The following COX15 variants were observed in gnomAD, a reference collection of about 807,000 sequenced individuals.
COX15 encodes cytochrome c oxidase assembly factor COX15, also known as heme A synthase COX15.
COX15 carries 51 observed loss-of-function variants against 51.9 expected under a neutral mutation model. The ratio of observed to expected loss-of-function variants is 0.98; its 90% CI spans 0.78 to 1.24. The LOEUF (loss-of-function observed/expected upper bound fraction) is 1.24. COX15 is among the 50% of genes most tolerant of loss of function. The pLI, the probability that COX15 is intolerant of heterozygous loss-of-function variation, is 0.00. For synonymous variants in COX15, 188 were observed against 190.5 expected, an observed-to-expected ratio of 0.99 and a Z score of 0.11; for missense variants, 420 against 501.1, an observed-to-expected ratio of 0.84 and a Z score of 1.55.
At chr10:99,699,231 T>A in the COX15 span, among the ~76,000 whole-genome samples, 1 of 152,228 alleles carries the variant, frequency 6.6e-6, no homozygotes, top group Non-Finnish European at 1.5e-5. Context: ...TCTGTTGTAA[T>A]GTGCTTTTGG....
intron 7 of COX15, among the ~76,000 whole-genome samples, chr10:99,717,532 T>A (rs2036615976): frequency 6.6e-6 from 1 of 152,116 alleles, no homozygotes; most frequent in African/African-American, 2.4e-5. Flanking sequence ...AAATTAAATT[T>A]AATTTTTTAA....
downstream of COX15, chr10:99,710,770 A>C (rs1389896706): frequency 1.0e-6 from 1 of 984,162 alleles, no homozygotes; most frequent in Admixed American, 6.2e-5. Context: ...TGATCTCTGC[A>C]ACCAACATTG....
chr10:99,703,144 A>G, the COX15 span, among the ~76,000 whole-genome samples: 1 of 152,222 alleles, frequency 6.6e-6, no homozygotes, highest in African/African-American at 2.4e-5. Flanking sequence ...CAGAATTAGA[A>G]TAAAGGACGT....
chr10:99,718,596 A>G, intron 6 of COX15, 96 bp from the exon 7 acceptor site: 1 of 1,262,894 alleles, frequency 7.9e-7, no homozygotes, highest in South Asian at 1.2e-5. Context: ...CCAGAGTTAA[A>G]CTAAGGGAAC....
rs902155191 is a variant in COX15, at chr10:99,712,679, G to A, written c.*1908C>T. On this transcript the variant is annotated 3_prime_UTR_variant, in exon 9 of 9. Transcript: ENST00000016171. ...AAGATCTAACAACCCTGGACCTGTA[G>A]AGTGGCAGCAACAGACCAGAACTCA... 3.6e-5 allele frequency: 33 copies of A among 919,212 alleles called. No individual in the cohort carries two copies. In the African/African-American group the frequency reaches 5.5e-4, roughly 15 times the overall value. The allele number at this position is 919,212 out of a possible 1,614,324, so 56.9% of individuals were successfully genotyped here.
the COX15 span, chr10:99,704,730 C>A: frequency 6.6e-7 from 1 of 1,519,130 alleles, no homozygotes; most frequent in South Asian, 1.2e-5. Flanking sequence ...AGTTGCTGCT[C>A]ATTGAATTCC....
Position 99,727,169 on chromosome 10 carries a change from A to G in COX15, c.396-15T>C, listed in dbSNP as rs747563348. The G allele has an allele frequency of 1.9e-6, 3 of 1,613,340 alleles. No homozygotes were observed. The highest frequency in any genetic ancestry group is 1.3e-5 in the African/African-American group (1 of 74,918). On this transcript the variant is annotated splice_polypyrimidine_tract_variant and intron_variant, in intron 3 of 8. Transcript: ENST00000016171. ...CATGATTCAAGCTGGGTGAAATGGA[A>G]AGTCAAAAAAGGAGGAGGAGGAAAC...
At chr10:99,694,299 T>C in the COX15 span, among the ~76,000 whole-genome samples, 15 of 152,220 alleles carry the variant, frequency 9.9e-5, no homozygotes, top group African/African-American at 3.6e-4. Flanking sequence ...TATGTGGTGT[T>C]TTATGTCTGG....
In COX15 at chr10:99,721,055, T is replaced by A. The variant is rs761014065; in HGVS notation, c.764A>T (p.His255Leu). 1.2e-6 allele frequency: 2 copies of A among 1,613,248 alleles called. 1 individual carries two copies. Among genetic ancestry groups the A allele is most frequent in the South Asian group, 2.2e-5 (2 of 90,820 alleles). ...LLPPHKLPET[H>L]QLLQLRRFAH... is the part of the protein sequence containing the mutation. ...AAATCGTCTCAACTGTAGGAGTTGGTGGGTTTCAGGCAACTAAATATGAAA... is the reference window on the plus strand; with the variant it reads ...AAATCGTCTCAACTGTAGGAGTTGGAGGGTTTCAGGCAACTAAATATGAAA... The change falls in exon 6 of 9, where the codon CAC (histidine) becomes CTC (leucine). Residue 255 changes from histidine (H) to leucine (L), a missense_variant. Transcript: ENST00000016171.
intron 7 of COX15, 56 bp downstream of exon 7, chr10:99,718,290 C>G: frequency 6.3e-7 from 1 of 1,599,370 alleles, no homozygotes; most frequent in Admixed American, 1.7e-5. Flanking sequence ...ACTGACACCC[C>G]AAAGCCTATG....
At chr10:99,725,831 G>A (rs529763418) in intron 4 of COX15, among the ~76,000 whole-genome samples, 6 of 152,192 alleles carry the variant, frequency 3.9e-5, no homozygotes, top group Non-Finnish European at 5.9e-5. Context: ...TTACAGGTGT[G>A]AGCCACTGCA....
intron 1 of COX15, among the ~76,000 whole-genome samples, chr10:99,730,506 C>T (rs1228828462): frequency 2.0e-5 from 3 of 151,980 alleles, no homozygotes; most frequent in Non-Finnish European, 2.9e-5. Flanking sequence ...ATCACTTGAA[C>T]CTGGGAGGCA....
intron 1 of COX15, among the ~76,000 whole-genome samples, chr10:99,730,141 G>A (rs2037090195): frequency 6.6e-6 from 1 of 152,090 alleles, no homozygotes; most frequent in Admixed American, 6.5e-5. Context: ...GCTCTTCAAG[G>A]TCTGCAATAG....
At chr10:99,705,368 C>G in the COX15 span, 1 of 152,592 alleles carries the variant, frequency 6.6e-6, no homozygotes, top group Non-Finnish European at 1.5e-5. Flanking sequence ...TTATCTGATG[C>G]CTGGTATGAT....
chr10:99,731,501 G>A (rs565447808), intron 1 of COX15, among the ~76,000 whole-genome samples: 2 of 152,192 alleles, frequency 1.3e-5, no homozygotes, highest in South Asian at 2.1e-4. Flanking sequence ...ATCCATGCTC[G>A]GTTTCCTATT....
At chr10:99,695,949 A>C in the COX15 span, 5 of 1,611,760 alleles carry the variant, frequency 3.1e-6, no homozygotes, top group South Asian at 5.5e-5. Context: ...TTGGTATTGT[A>C]TTATAGGAAG....
intron 5 of COX15, 146 bp downstream of exon 5, chr10:99,723,810 A>G (rs2036855689): frequency 2.3e-6 from 2 of 855,782 alleles, no homozygotes; most frequent in Admixed American, 2.0e-5. Flanking sequence ...CTCCCACTCT[A>G]TTTTTCAATT....
intron 7 of COX15, among the ~76,000 whole-genome samples, chr10:99,718,048 C>T (rs1315671290): frequency 3.3e-5 from 5 of 151,252 alleles, no homozygotes; most frequent in African/African-American, 4.9e-5. Context: ...TTTCTAGGTA[C>T]GTGCAGAATT....
chr10:99,708,724 T>C, downstream of COX15: 1 of 615,668 alleles, frequency 1.6e-6, no homozygotes, highest in African/African-American at 2.0e-5. Context: ...TTCAGAAGAG[T>C]TTTAAAGCTT....
Sources: allele counts gnomAD v4.1 joint callset (sites outside exome capture counted in the v4.1 genomes callset), GRCh38; gene constraint gnomAD v4.1.1; transcripts MANE v1.5; gene names NCBI Gene and HGNC (gene_info 2026-07-23, HGNC 2026-07-21).